BAZ2A: variants seen among roughly 807,000 people sequenced by gnomAD.
BAZ2A encodes bromodomain adjacent to zinc finger domain protein 2A.
In BAZ2A, 34 loss-of-function variants were observed where a neutral mutation model predicts 199.9. The observed-to-expected ratio is 0.17, with a 90% CI of 0.13 to 0.23. The LOEUF (loss-of-function observed/expected upper bound fraction) is 0.23. Among genes scored for constraint, BAZ2A ranks in the 10% least tolerant of loss-of-function variants. The pLI is 1.00. For synonymous variants in BAZ2A, 857 were observed against 883.9 expected, an observed-to-expected ratio of 0.97 and a Z score of 0.54; for missense variants, 2,002 against 2,391.1, an observed-to-expected ratio of 0.84 and a Z score of 3.39.
rs1565821645 is a variant in BAZ2A at position 56,611,652 on chromosome 12, C to A, written c.1610-19G>T. 6.3e-7 allele frequency: 1 copy of A among 1,590,060 alleles called. No homozygotes were observed. The highest frequency in any genetic ancestry group is 8.5e-7 in the Non-Finnish European group (1 of 1,171,636). On this transcript the variant is annotated intron_variant, in intron 6 of 28. Transcript: ENST00000549884. ...ACATCACCTTGGGAGGAAGGGATAC[C>A]CAAGTTAAGAGTTCAAGCAAAATAT...
intron 3 of BAZ2A, 184 bp downstream of exon 3, chr12:56,614,830 G>A (rs1950665930): frequency 1.2e-5 from 8 of 673,896 alleles, no homozygotes; most frequent in Admixed American, 8.3e-5. Flanking sequence ...ACTCCCACTC[G>A]CGAGCTGGTG....
Position 56,612,239 on chromosome 12 carries a change from G to T in BAZ2A, c.1143C>A (p.Ser381Arg), listed in dbSNP as rs369662788. 254 of 1,612,064 alleles carry T rather than the reference G, an allele frequency of 1.6e-4. No homozygotes were observed. The South Asian group carries it at 2.3e-3, about 14-fold the overall frequency. Residue 381 changes from serine to arginine, a missense_variant, in exon 6 of 29, where the codon AGC becomes AGA. Transcript: ENST00000549884. ...CGTCACTACCATTATTCAGGTCAAA[G>T]CTGTTATCTAGAATCCAAAGGGACA... ...VLGESVLQDNSFDLNNGSDAE... is the reference protein window; with the variant it reads ...VLGESVLQDNRFDLNNGSDAE...
chr12:56,615,159 T>C lies in BAZ2A; in HGVS notation c.585A>G (p.Gly195=). 6.2e-7 allele frequency: 1 copy of C among 1,613,688 alleles called. No individual in the cohort carries two copies. The highest frequency in any genetic ancestry group is 8.5e-7 in the Non-Finnish European group (1 of 1,179,786). ...AGGGTGCAAAGGTTTGAATGCTAGA[T>C]CCCAACATAGGAGAAGTCTGTGGGG... ...FTSPQTSPML[G]SSIQTFAPSQ... is the part of the protein sequence containing the mutation. Residue 195 remains glycine (G), a synonymous_variant, in exon 3 of 29, where the codon GGA becomes GGG. Coordinates refer to ENST00000549884, the MANE Select transcript of BAZ2A (RefSeq NM_001300905.2).
Position 56,597,562 on chromosome 12 carries a change from G to GCACGCACACACACACA in BAZ2A, c.*1055_*1056insTGTGTGTGTGTGCGTG, listed in dbSNP as rs1555204163. The GCACGCACACACACACA allele has an allele frequency of 2.9e-5, 4 of 138,718 alleles. No homozygotes were observed. The highest frequency in any genetic ancestry group is 2.1e-4 in the East Asian group (1 of 4,740). The allele number at this position is 138,718 out of a possible 1,614,324, so 8.6% of individuals were successfully genotyped here. On this transcript the variant is annotated 3_prime_UTR_variant, in exon 29 of 29. Coordinates refer to ENST00000549884, the MANE Select transcript of BAZ2A (RefSeq NM_001300905.2). Reference sequence around the variant, plus strand: ...TCAAACAATACAGGGTCACAAGCACGCACACACACACACACACACAGCGCG... The same window carrying GCACGCACACACACACA: ...TCAAACAATACAGGGTCACAAGCACGCACGCACACACACACACACACACACACACACACACAGCGCG...
At chr12:56,602,581 C>G in intron 19 of BAZ2A, 132 bp downstream of exon 19, 1 of 1,280,258 alleles carries the variant, frequency 7.8e-7, no homozygotes, top group Non-Finnish European at 1.1e-6. Flanking sequence ...CAGCTTTACT[C>G]TAAAATCTGT....
intron 14 of BAZ2A, 100 bp from the exon 15 acceptor site, chr12:56,604,899 G>A: frequency 7.1e-7 from 1 of 1,410,470 alleles, no homozygotes; most frequent in South Asian, 1.4e-5. Context: ...AACTATGGGG[G>A]TTAAGACAGA....
chr12:56,628,096 C>T (rs548177840), intron 1 of BAZ2A, among the ~76,000 whole-genome samples: 1 of 138,548 alleles, frequency 7.2e-6, no homozygotes, highest in African/African-American at 2.7e-5. Flanking sequence ...ACAGGCAACT[C>T]GCTTGAACCC....
chr12:56,632,882 C>G (rs1337613371), upstream of BAZ2A, among the ~76,000 whole-genome samples: 2 of 152,118 alleles, frequency 1.3e-5, no homozygotes, highest in Admixed American at 6.6e-5. Flanking sequence ...CTTCTCCCCC[C>G]ATCCAGACGA....
upstream of BAZ2A, chr12:56,630,789 G>C (rs1272657431): frequency 1.3e-5 from 13 of 985,540 alleles, no homozygotes; most frequent in African/African-American, 1.7e-5. Flanking sequence ...TGTCCCTTCA[G>C]TGCAGCCTGG....
At chr12:56,622,082 T>C (rs1322786695) in intron 1 of BAZ2A, among the ~76,000 whole-genome samples, 2 of 149,528 alleles carry the variant, frequency 1.3e-5, no homozygotes, top group Non-Finnish European at 3.0e-5. Context: ...TTCACGCCTG[T>C]AATCCCAGCA....
chr12:56,601,144 G>T, intron 21 of BAZ2A, 36 bp downstream of exon 21: 1 of 1,613,938 alleles, frequency 6.2e-7, no homozygotes, highest in Non-Finnish European at 8.5e-7. Flanking sequence ...GTGAAGCACT[G>T]CCCACACCGG....
At chr12:56,635,095 A>T, upstream of BAZ2A, 1 of 953,280 alleles carries the variant, frequency 1.0e-6, no homozygotes, top group Non-Finnish European at 1.2e-6. This position sits in a 1 kb window ranked among gnomAD's most constrained non-coding sequence, Gnocchi z 4.1. Context: ...TACCGAGGTG[A>T]GGACAACCGC....
At chr12:56,624,447 C>CATTAT (rs1951017496) in intron 1 of BAZ2A, among the ~76,000 whole-genome samples, 1 of 152,136 alleles carries the variant, frequency 6.6e-6, no homozygotes, top group African/African-American at 2.4e-5. Context: ...TAAGTTCCAC[C>CATTAT]ATTATATCCC....
upstream of BAZ2A, among the ~76,000 whole-genome samples, chr12:56,637,160 T>C (rs1188024342): frequency 1.3e-5 from 2 of 152,154 alleles, no homozygotes; most frequent in Non-Finnish European, 2.9e-5. Context: ...GATTTGAAAA[T>C]GGGATCAGAG....
chr12:56,615,061 T>C lies in BAZ2A; in HGVS notation c.683A>G (p.Asn228Ser), dbSNP rs1950674282. ...CAAGCTGCCTACCAAGCCAGTGCCA[T>C]TCTCTGCCACAACTGAAGTCATCTC... ...EKEMTSVVAE[N>S]GTGLVGSLEL... Residue 228 changes from asparagine (N) to serine (S), a missense_variant, in exon 3 of 29, where the codon AAT becomes AGT. Physicochemically the swap from Asn to Ser is conservative, Grantham distance 46 (BLOSUM62 1). Coordinates refer to ENST00000549884, the MANE Select transcript of BAZ2A (RefSeq NM_001300905.2). The C allele has an allele frequency of 2.5e-6, 4 of 1,613,664 alleles. No individual in the cohort carries two copies. Among genetic ancestry groups the C allele is most frequent in the East Asian group, 2.2e-5 (1 of 44,876 alleles).
At chr12:56,627,890 A>C (rs1263090258) in intron 1 of BAZ2A, among the ~76,000 whole-genome samples, 18 of 150,692 alleles carry the variant, frequency 1.2e-4, no homozygotes, top group Non-Finnish European at 2.7e-4. Context: ...AAAAAAAGAA[A>C]AGAAGAGAAG....
chr12:56,631,880 T>A (rs1005582788), upstream of BAZ2A, among the ~76,000 whole-genome samples: 1 of 152,076 alleles, frequency 6.6e-6, no homozygotes, highest in African/African-American at 2.4e-5. Context: ...TCTTCCTGAA[T>A]TTTGGGGAAA....
chr12:56,611,310 G>C, intron 7 of BAZ2A: 1 of 551,792 alleles, frequency 1.8e-6, no homozygotes, highest in Non-Finnish European at 3.2e-6. Flanking sequence ...GTTTGGAAAA[G>C]ATAATAGCTG....
At position 56,630,322 on chromosome 12, in the gene BAZ2A, G is replaced by C; in HGVS notation, c.-200C>G. Reference sequence around the variant, plus strand: ...AGGAGCCAACATGGCCGGCGGGGGAGGAGTGAGTCGGAGCCGGAGGGGGCG... The same window carrying C: ...AGGAGCCAACATGGCCGGCGGGGGACGAGTGAGTCGGAGCCGGAGGGGGCG... On this transcript the variant is annotated 5_prime_UTR_variant, in exon 1 of 29. Transcript: ENST00000549884. The C allele has an allele frequency of 1.0e-6, 1 of 980,098 alleles. No homozygotes were observed. Among genetic ancestry groups the C allele is most frequent in the Non-Finnish European group, 1.2e-6 (1 of 825,096 alleles). The allele number at this position is 980,098 out of a possible 1,614,324, so 60.7% of individuals were successfully genotyped here.
Sources: gnomAD v4.1 joint callset for allele counts (sites outside exome capture counted in the v4.1 genomes callset) on GRCh38, gnomAD v4.1.1 for gene constraint, Gnocchi (gnomAD v3.1) non-coding constraint, MANE v1.5 for transcripts, NCBI Gene and HGNC (gene_info 2026-07-23, HGNC 2026-07-21) for gene names.